Variants in SLC35D4 observed in about 807,000 individuals in gnomAD.
SLC35D4 encodes UDP-N-acetylglucosamine transporter SLC35D4.
the SLC35D4 span, among the ~76,000 whole-genome samples, chr18:23,274,052 C>T: frequency 1.3e-5 from 2 of 152,158 alleles, no homozygotes; most frequent in Admixed American, 6.5e-5. Flanking sequence ...CCTGCCTCAG[C>T]CTCCCGAGTA....
the SLC35D4 span, among the ~76,000 whole-genome samples, chr18:23,283,494 GAAAGAAAGAAAAGA>G: frequency 3.4e-4 from 44 of 128,082 alleles, no homozygotes; most frequent in East Asian, 3.0e-3. Flanking sequence ...AAAAAAAAAA[GAAAGAAAGAAAAGA>G]AAAGAAAGAA....
chr18:23,435,294 A>G, the SLC35D4 span, among the ~76,000 whole-genome samples: 2 of 152,092 alleles, frequency 1.3e-5, no homozygotes, highest in South Asian at 2.1e-4. Flanking sequence ...AACCAATGCC[A>G]TGGCTCATGG....
chr18:23,299,391 T>C, the SLC35D4 span, among the ~76,000 whole-genome samples: 3 of 152,180 alleles, frequency 2.0e-5, no homozygotes, highest in East Asian at 5.8e-4. Context: ...ACCCAACTTC[T>C]GCCTGAAGAT....
the SLC35D4 span, chr18:23,259,578 A>C: frequency 3.9e-5 from 6 of 152,024 alleles, no homozygotes; most frequent in Non-Finnish European, 5.9e-5. Context: ...GTTTTAATTT[A>C]TTTGTGAGGA....
At chr18:23,338,511 A>G in the SLC35D4 span, among the ~76,000 whole-genome samples, 2 of 152,208 alleles carry the variant, frequency 1.3e-5, no homozygotes, top group Non-Finnish European at 2.9e-5. Flanking sequence ...CATTGTTTAC[A>G]GATGAGAAAA....
the SLC35D4 span, chr18:23,385,081 GA>G: frequency 1.9e-6 from 3 of 1,605,302 alleles, no homozygotes; most frequent in Non-Finnish European, 2.6e-6. Flanking sequence ...AAAGAAAACA[GA>G]ATAAAAAACA....
At chr18:23,434,617 T>C in the SLC35D4 span, among the ~76,000 whole-genome samples, 1 of 151,960 alleles carries the variant, frequency 6.6e-6, no homozygotes, top group East Asian at 1.9e-4. Context: ...ATGGCAAAAC[T>C]TCGTCTCTAT....
the SLC35D4 span, among the ~76,000 whole-genome samples, chr18:23,251,811 C>T: frequency 9.9e-5 from 15 of 152,248 alleles, no homozygotes; most frequent in East Asian, 7.7e-4. Flanking sequence ...GTAGGCCAGG[C>T]GCGGTGGCTC....
chr18:23,261,990 T>C, the SLC35D4 span, among the ~76,000 whole-genome samples: 1 of 152,194 alleles, frequency 6.6e-6, no homozygotes, highest in Admixed American at 6.5e-5. Flanking sequence ...ACCTACAGGC[T>C]TATTAAAGAT....
the SLC35D4 span, chr18:23,421,533 A>G: frequency 8.6e-7 from 1 of 1,157,440 alleles, no homozygotes; most frequent in Non-Finnish European, 1.3e-6. Context: ...ACTGACACAA[A>G]GAGACAAGTT....
chr18:23,297,801 C>T, the SLC35D4 span: 23 of 558,122 alleles, frequency 4.1e-5, no homozygotes, highest in South Asian at 8.0e-5. Context: ...AGAAAGGGTG[C>T]TCCTTGAAGC....
At chr18:23,404,753 C>T in the SLC35D4 span, among the ~76,000 whole-genome samples, 23 of 150,556 alleles carry the variant, frequency 1.5e-4, no homozygotes, top group African/African-American at 5.1e-4. Flanking sequence ...TTTGGGAGGC[C>T]GAGGCAGGCA....
chr18:23,250,071 T>C, the SLC35D4 span, among the ~76,000 whole-genome samples: 1 of 152,166 alleles, frequency 6.6e-6, no homozygotes, highest in South Asian at 2.1e-4. Flanking sequence ...GTGTTATATC[T>C]ACAAATAAGA....
At chr18:23,241,530 AAAAAAT>A in the SLC35D4 span, among the ~76,000 whole-genome samples, 5 of 152,322 alleles carry the variant, frequency 3.3e-5, no homozygotes, top group East Asian at 1.9e-4. Context: ...CTACGTCTCA[AAAAAAT>A]AAAAATAAAA....
chr18:23,332,941 C>T, the SLC35D4 span, among the ~76,000 whole-genome samples: 126 of 152,180 alleles, frequency 8.3e-4, no homozygotes, highest in African/African-American at 2.9e-3. Flanking sequence ...TTTCTGTCTC[C>T]GAAATGCTGG....
At chr18:23,284,695 A>C in the SLC35D4 span, among the ~76,000 whole-genome samples, 1 of 152,182 alleles carries the variant, frequency 6.6e-6, no homozygotes, top group Non-Finnish European at 1.5e-5. Context: ...AACCTCTTTA[A>C]AACATTTTAC....
the SLC35D4 span, among the ~76,000 whole-genome samples, chr18:23,431,736 T>A: frequency 1.9e-4 from 29 of 152,210 alleles, no homozygotes; most frequent in African/African-American, 6.8e-4. Flanking sequence ...TTATGTATAT[T>A]TATGTATATT....
the SLC35D4 span, among the ~76,000 whole-genome samples, chr18:23,315,634 A>G: frequency 2.6e-5 from 4 of 152,144 alleles, no homozygotes; most frequent in Admixed American, 6.5e-5. Flanking sequence ...CCTTTTTCAT[A>G]TATTTGGGAA....
At chr18:23,435,214 G>A in the SLC35D4 span, among the ~76,000 whole-genome samples, 2,381 of 150,108 alleles carry the variant, frequency 0.016, 70 homozygotes, top group African/African-American at 0.056. Context: ...CCAAAGAGGG[G>A]CATAAATTTC....
Sources: gnomAD v4.1 joint callset for allele counts (sites outside exome capture counted in the v4.1 genomes callset) on GRCh38, gnomAD v4.1.1 for gene constraint, MANE v1.5 for transcripts, NCBI Gene and HGNC (gene_info 2026-07-23, HGNC 2026-07-21) for gene names.